The following PTPN5 variants were observed in gnomAD, a reference collection of about 807,000 sequenced individuals.
PTPN5 encodes protein tyrosine phosphatase non-receptor type 5, also known as tyrosine-protein phosphatase non-receptor type 5.
A neutral mutation model predicts 73.9 loss-of-function variants in PTPN5; 29 were observed. That is an observed-to-expected ratio of 0.39 (90% CI 0.29 to 0.54). The LOEUF (loss-of-function observed/expected upper bound fraction) is 0.54, where lower values mean the gene tolerates loss of function less well. PTPN5 is among the 20% of genes least tolerant of loss of function. The probability of loss-of-function intolerance (pLI) is 0.65; values close to 1 mark genes in which losing one functional copy is unlikely to be tolerated. For synonymous variants in PTPN5, 267 were observed against 304.7 expected (o/e 0.88, Z 1.29); for missense variants, 652 against 751.4 (o/e 0.87, Z 1.55).
chr11:18,784,742 G>A (rs537142093), intron 1 of PTPN5, among the ~76,000 whole-genome samples: 2 of 152,226 alleles, frequency 1.3e-5, no homozygotes, highest in Non-Finnish European at 2.9e-5. Context: ...AAATCTGACA[G>A]AGCTGCATGT....
At chr11:18,738,121 G>A (rs187198655) in intron 8 of PTPN5, among the ~76,000 whole-genome samples, 157 bp from the exon 9 acceptor site, 6 of 152,320 alleles carry the variant, frequency 3.9e-5, no homozygotes, top group South Asian at 4.1e-4. Context: ...TGCTCACGAC[G>A]CATTCAGAAC....
chr11:18,731,158 TTATATTTTATA>T (rs200317292), intron 12 of PTPN5, among the ~76,000 whole-genome samples: 2,944 of 147,660 alleles, frequency 0.02, 93 homozygotes, highest in African/African-American at 0.068. Flanking sequence ...ATATATATAT[TTATATTTTATA>T]TATATTTTAT....
chr11:18,785,015 G>T (rs1851605754), intron 1 of PTPN5, among the ~76,000 whole-genome samples: 1 of 151,878 alleles, frequency 6.6e-6, no homozygotes, highest in Non-Finnish European at 1.5e-5. Flanking sequence ...CACCATGCCT[G>T]GCTAATTTTT....
chr11:18,779,928 G>GC (rs1851344681), intron 1 of PTPN5, among the ~76,000 whole-genome samples: 1 of 152,196 alleles, frequency 6.6e-6, no homozygotes, highest in Non-Finnish European at 1.5e-5. Flanking sequence ...ACCGATGAGA[G>GC]CTGCAGGGTT....
At position 18,784,504 on chromosome 11, in the gene PTPN5, G is replaced by A. The variant is rs116013985; in HGVS notation, c.-114+7021C>T. 4.7e-3 allele frequency among the ~76,000 whole-genome samples: 719 copies of A among 152,276 alleles called. 4 individuals are homozygous for A. The highest frequency in any genetic ancestry group is 0.016 in the African/African-American group (676 of 41,554). On this transcript the variant is annotated intron_variant, in intron 1 of 14. Coordinates refer to ENST00000358540, the MANE Select transcript of PTPN5 (RefSeq NM_006906.2). Reference sequence around the variant, plus strand: ...CAGAGGCTGGGGGAGATGGGAATGAGGAATTAGTATTTAATGAGTACAGCG... The same window carrying A: ...CAGAGGCTGGGGGAGATGGGAATGAAGAATTAGTATTTAATGAGTACAGCG...
At chr11:18,778,469 T>C (rs1386561382) in intron 1 of PTPN5, among the ~76,000 whole-genome samples, 1 of 152,206 alleles carries the variant, frequency 6.6e-6, no homozygotes, top group African/African-American at 2.4e-5. Flanking sequence ...CCAAATCTCA[T>C]GTTGAATTGT....
chr11:18,733,398 C>T lies in PTPN5; in HGVS notation c.1081-26G>A, dbSNP rs1330715981. 1.2e-6 allele frequency: 2 copies of T among 1,611,434 alleles called. No homozygotes were observed. The highest frequency in any genetic ancestry group is 1.7e-6 in the Non-Finnish European group (2 of 1,177,836). On this transcript the variant is annotated intron_variant, in intron 10 of 14. Coordinates refer to ENST00000358540, the MANE Select transcript of PTPN5 (RefSeq NM_006906.2). This position sits in a 1 kb window ranked among gnomAD's most constrained non-coding sequence, Gnocchi z 4.3. ...CTGCGGCCAGCCAAGTCCAGGCTGT[C>T]AGGGTCAGAGGCAGTGCTCCCAGGA...
intron 3 of PTPN5, among the ~76,000 whole-genome samples, chr11:18,752,202 A>C (rs182783947): frequency 7.2e-4 from 109 of 152,338 alleles, no homozygotes; most frequent in Middle Eastern, 3.4e-3. Flanking sequence ...ACTGCACTCC[A>C]GCCTGGGTGA....
At chr11:18,752,694 C>A (rs141387285) in intron 3 of PTPN5, among the ~76,000 whole-genome samples, 3 of 152,188 alleles carry the variant, frequency 2.0e-5, no homozygotes, top group African/African-American at 2.4e-5. Context: ...GCCTCTTTGG[C>A]GTGGAGGCCC....
At chr11:18,786,319 C>A (rs369864104) in intron 1 of PTPN5, among the ~76,000 whole-genome samples, 114 of 152,242 alleles carry the variant, frequency 7.5e-4, no homozygotes, top group African/African-American at 2.7e-3. Context: ...TCTCCTGCCT[C>A]AGCCTCCTGA....
intron 8 of PTPN5, among the ~76,000 whole-genome samples, chr11:18,738,696 G>A (rs968490825): frequency 5.3e-5 from 8 of 152,168 alleles, no homozygotes; most frequent in African/African-American, 1.7e-4. Flanking sequence ...ACCTCTGCCC[G>A]GGCGCGGTGG....
At chr11:18,750,837 T>C (rs565137371) in intron 3 of PTPN5, among the ~76,000 whole-genome samples, 1 of 152,170 alleles carries the variant, frequency 6.6e-6, no homozygotes, top group Non-Finnish European at 1.5e-5. Context: ...TGGGATCACA[T>C]AGCCAGGCAG....
intron 1 of PTPN5, among the ~76,000 whole-genome samples, chr11:18,786,223 G>C (rs1197068397): frequency 6.7e-6 from 1 of 150,064 alleles, no homozygotes; most frequent in Non-Finnish European, 1.5e-5. Context: ...TTTTCTTTGA[G>C]ACGGAGTCTC....
At chr11:18,776,211 G>C (rs1249005239) in intron 1 of PTPN5, among the ~76,000 whole-genome samples, 2 of 152,148 alleles carry the variant, frequency 1.3e-5, no homozygotes, top group Admixed American at 1.3e-4. Flanking sequence ...TCTTGTGGGC[G>C]TCTTCTGGTA....
intron 1 of PTPN5, among the ~76,000 whole-genome samples, chr11:18,778,144 C>T (rs1184439075): frequency 6.6e-6 from 1 of 152,152 alleles, no homozygotes; most frequent in East Asian, 1.9e-4. Flanking sequence ...CAGAGTTTTG[C>T]TCAATCTGTG....
chr11:18,734,807 T>G (rs1345786949), intron 9 of PTPN5, among the ~76,000 whole-genome samples: 1 of 152,216 alleles, frequency 6.6e-6, no homozygotes, highest in Non-Finnish European at 1.5e-5. Flanking sequence ...TCAGCTCACT[T>G]GTCCAGGCCT....
At chr11:18,741,037 G>T (rs188242794) in intron 7 of PTPN5, among the ~76,000 whole-genome samples, 8 of 152,170 alleles carry the variant, frequency 5.3e-5, no homozygotes, top group Non-Finnish European at 1.2e-4. Flanking sequence ...GGGGATTTGG[G>T]GCTCCAGTTC....
At chr11:18,770,403 C>T (rs557137512) in intron 2 of PTPN5, among the ~76,000 whole-genome samples, 2 of 152,298 alleles carry the variant, frequency 1.3e-5, no homozygotes, top group East Asian at 3.9e-4. Context: ...AAATATGTAG[C>T]CTTTTGTGCT....
At chr11:18,760,645 GAC>G (rs1350866117) in intron 3 of PTPN5, among the ~76,000 whole-genome samples, 1 of 152,240 alleles carries the variant, frequency 6.6e-6, no homozygotes. Context: ...AGCTAATCAT[GAC>G]ACACTGAAAT....
Sources: gnomAD v4.1 joint callset for allele counts (sites outside exome capture counted in the v4.1 genomes callset) on GRCh38, gnomAD v4.1.1 for gene constraint, Gnocchi (gnomAD v3.1) non-coding constraint, MANE v1.5 for transcripts, NCBI Gene and HGNC (gene_info 2026-07-23, HGNC 2026-07-21) for gene names.